The following KDM4B variants were observed in gnomAD, a reference collection of about 807,000 sequenced individuals.
KDM4B encodes lysine demethylase 4B, also known as lysine-specific demethylase 4B.
A neutral mutation model predicts 125.2 loss-of-function variants in KDM4B; 32 were observed. That is an observed-to-expected ratio of 0.26 (90% CI 0.19 to 0.34). The LOEUF (loss-of-function observed/expected upper bound fraction) is 0.34, where lower values mean the gene tolerates loss of function less well. Among genes scored for constraint, KDM4B ranks in the 10% least tolerant of loss-of-function variants. KDM4B has a pLI of 1.00. For missense variants in KDM4B, 1,190 were observed against 1,577.7 expected (o/e 0.75, Z 4.16); for synonymous variants, 721 against 677.9 (o/e 1.06, Z -0.99).
intron 6 of KDM4B, among the ~76,000 whole-genome samples, chr19:5,061,712 G>GA (rs1299812227): frequency 1.3e-5 from 2 of 151,842 alleles, no homozygotes; most frequent in East Asian, 3.9e-4. Flanking sequence ...AAAAAAAGAA[G>GA]AAAAAATCAG....
rs2039325685 is a variant in KDM4B at position 5,119,752 on chromosome 19, G to A, written c.1215G>A (p.Gly405=). 1.9e-6 allele frequency: 3 copies of A among 1,548,754 alleles called. No homozygotes were observed. The highest frequency in any genetic ancestry group is 1.7e-6 in the Non-Finnish European group (2 of 1,146,160). Residue 405 remains glycine (G), a synonymous_variant, in exon 11 of 23, where the codon GGG becomes GGA. Coordinates refer to ENST00000159111, the MANE Select transcript of KDM4B (RefSeq NM_015015.3). ...GGGCAGCGCTCCTAGAGGAGGCTGG[G>A]GGCAGCGTGAAGGAGGAGGCTGGGC... ...TAGAALLEEA[G]GSVKEEAGPE... is the part of the protein sequence containing the mutation.
rs1416787141 is a variant in KDM4B at position 5,141,483 on chromosome 19, A to G, written c.2551-2484A>G. 6.6e-6 allele frequency: 1 copy of G among 152,184 alleles called. No individual in the cohort carries two copies. Among genetic ancestry groups the G allele is most frequent in the Admixed American group, 6.5e-5 (1 of 15,280 alleles). The allele number at this position is 152,184 out of a possible 1,614,324, so 9.4% of individuals were successfully genotyped here. On this transcript the variant is annotated intron_variant, in intron 18 of 22. Coordinates refer to ENST00000159111, the MANE Select transcript of KDM4B (RefSeq NM_015015.3). The surrounding 1 kb of genome is among the most constrained non-coding windows in gnomAD (Gnocchi z 6.4). Reference sequence around the variant, plus strand: ...TCATTACCGGTGCTTGTAACGATGAATTAAAAATCCTTTTACACGAGGCCC... The same window carrying G: ...TCATTACCGGTGCTTGTAACGATGAGTTAAAAATCCTTTTACACGAGGCCC...
At chr19:5,131,665 G>GGGAGGCGGGGGCAGGTGGGGCAC (rs2039558842) in intron 12 of KDM4B, 120 bp downstream of exon 12, 4 of 634,730 alleles carry the variant, frequency 6.3e-6, no homozygotes, top group Middle Eastern at 4.4e-4. Context: ...GAGGGGACAG[G>GGGAGGCGGGGGCAGGTGGGGCAC]AGGGCTGACT....
Position 4,985,050 on chromosome 19 carries a change from C to T in KDM4B, c.-109+15820C>T, listed in dbSNP as rs570210621. ...AAAATTAGCAATGACAGGCTGGGCACGGTGGCTCCCGCCTGTAATCCTAGC... is the reference window on the plus strand; with the variant it reads ...AAAATTAGCAATGACAGGCTGGGCATGGTGGCTCCCGCCTGTAATCCTAGC... On this transcript the variant is annotated intron_variant, in intron 1 of 22. Transcript: ENST00000159111. Among the ~76,000 whole-genome samples, 15 of 152,210 alleles carry T rather than the reference C, an allele frequency of 9.9e-5. 1 individual carries two copies. Among genetic ancestry groups the T allele is most frequent in the Admixed American group, 3.3e-4 (5 of 15,300 alleles).
At chr19:5,084,637 T>C (rs895476093) in intron 9 of KDM4B, among the ~76,000 whole-genome samples, 10 of 145,354 alleles carry the variant, frequency 6.9e-5, no homozygotes, top group Non-Finnish European at 1.5e-4. Context: ...ATATAAATTA[T>C]ATATGTATGT....
In KDM4B at chr19:5,131,098, G is replaced by T; in HGVS notation, c.1338G>T (p.Arg446=). ...GAEEDGRGKL[R]PTKAKSERKK... ...CAGAGGACGGGAGGGGCAAGCTGCG[G>T]CCAACCAAGGCCAAGAGCGAGCGGA... The change falls in exon 12 of 23, where the codon CGG becomes CGT. Residue 446 remains arginine, a synonymous_variant. Coordinates refer to ENST00000159111, the MANE Select transcript of KDM4B (RefSeq NM_015015.3). 1 of 1,513,492 alleles carries T rather than the reference G, an allele frequency of 6.6e-7. No individual in the cohort carries two copies. The highest frequency in any genetic ancestry group is 1.8e-4 in the Middle Eastern group (1 of 5,558). The allele number at this position is 1,513,492 out of a possible 1,614,324, so 93.8% of individuals were successfully genotyped here.
At chr19:5,070,084 G>A (rs2037898602) in intron 6 of KDM4B, among the ~76,000 whole-genome samples, 1 of 152,158 alleles carries the variant, frequency 6.6e-6, no homozygotes, top group South Asian at 2.1e-4. Flanking sequence ...GGGAGCTGTT[G>A]GCCTTGTTAC....
intron 6 of KDM4B, among the ~76,000 whole-genome samples, chr19:5,061,558 AAAG>A (rs1217051597): frequency 6.6e-6 from 1 of 152,142 alleles, no homozygotes; most frequent in Non-Finnish European, 1.5e-5. Flanking sequence ...AGGCTCCATG[AAAG>A]AAGATTTTTC....
chr19:4,993,457 G>A (rs894569610), intron 1 of KDM4B, among the ~76,000 whole-genome samples: 2 of 151,170 alleles, frequency 1.3e-5, no homozygotes, highest in Non-Finnish European at 2.9e-5. Context: ...TCCAGCTATT[G>A]TTGAATTACT....
chr19:4,991,956 GTGT>G (rs976943300), intron 1 of KDM4B, among the ~76,000 whole-genome samples: 4 of 152,152 alleles, frequency 2.6e-5, no homozygotes, highest in Non-Finnish European at 5.9e-5. Context: ...CTCCATACGG[GTGT>G]TGTTTTCTCA....
intron 21 of KDM4B, among the ~76,000 whole-genome samples, chr19:5,147,671 A>T (rs1381251512): frequency 6.9e-6 from 1 of 144,390 alleles, no homozygotes; most frequent in Non-Finnish European, 1.5e-5. Flanking sequence ...TGAGCCTGGG[A>T]GGTTGAGGAT....
intron 2 of KDM4B, among the ~76,000 whole-genome samples, chr19:5,022,221 A>G (rs965958883): frequency 5.3e-5 from 8 of 151,992 alleles, no homozygotes; most frequent in African/African-American, 1.7e-4. Flanking sequence ...TGATAGTCCT[A>G]TGTTCCCTCT....
intron 9 of KDM4B, among the ~76,000 whole-genome samples, chr19:5,084,851 C>T (rs899667558): frequency 2.6e-5 from 4 of 150,996 alleles, no homozygotes; most frequent in African/African-American, 9.8e-5. Context: ...TCATTTTACC[C>T]ACCCTCCCCC....
Position 5,133,927 on chromosome 19 carries a change from G to A in KDM4B, c.1951G>A (p.Ala651Thr), listed in dbSNP as rs201802255. Residue 651 changes from alanine to threonine, a missense_variant, in exon 14 of 23, where the codon GCC becomes ACC. Around this residue, in one of 7 missense-constraint regions of KDM4B, gnomAD observed 128 missense variants for 137.8 expected, o/e 0.93. Coordinates refer to ENST00000159111, the MANE Select transcript of KDM4B (RefSeq NM_015015.3). Reference protein sequence around the residue: ...SGEEDVSDPDALRPLLSLQWK... With the variant: ...SGEEDVSDPDTLRPLLSLQWK... ...GGAGGAAGATGTGAGTGACCCGGAC[G>A]CCTTGAGGCCGCTGCTGTCTCTGCA... 197 of 1,612,978 alleles carry A rather than the reference G, an allele frequency of 1.2e-4. No homozygotes were observed. Among genetic ancestry groups the A allele is most frequent in the Non-Finnish European group, 1.4e-4 (167 of 1,179,942 alleles).
chr19:5,131,208 C>A lies in KDM4B; in HGVS notation c.1448C>A (p.Ser483Tyr). 1 of 1,605,226 alleles carries A rather than the reference C, an allele frequency of 6.2e-7. No homozygotes were observed. The highest frequency in any genetic ancestry group is 1.1e-5 in the South Asian group (1 of 90,102). ...TCAGAGGAGGCGCTGTGGCTGCCAT[C>A]CCCACTGGAGCCCCCGGTGCTGGGC... ...FPSEEALWLP[S>Y]PLEPPVLGPG... is the part of the protein sequence containing the mutation. Residue 483 changes from serine (S) to tyrosine (Y), a missense_variant, in exon 12 of 23, where the codon TCC (serine) becomes TAC (tyrosine). By Grantham distance (144) the Ser-to-Tyr change is moderately radical. Transcript: ENST00000159111.
intron 9 of KDM4B, among the ~76,000 whole-genome samples, chr19:5,083,641 T>C (rs146843859): frequency 5.3e-4 from 81 of 152,234 alleles, no homozygotes; most frequent in African/African-American, 1.6e-3. Flanking sequence ...CTGGGCAGCA[T>C]TGAACAGCCC....
intron 6 of KDM4B, among the ~76,000 whole-genome samples, chr19:5,064,704 C>T (rs1376511280): frequency 2.0e-5 from 3 of 152,192 alleles, no homozygotes; most frequent in Non-Finnish European, 4.4e-5. Flanking sequence ...GAGGTGAGGG[C>T]CACAGAGTCC....
In KDM4B at chr19:5,096,764, C is replaced by T. The variant is rs1307902668; in HGVS notation, c.919-13858C>T. Among the ~76,000 whole-genome samples, 5 of 145,116 alleles carry T rather than the reference C, an allele frequency of 3.4e-5. No individual in the cohort carries two copies. The South Asian group carries it at 6.8e-4, about 20-fold the overall frequency. Reference sequence around the variant, plus strand: ...GCGGTGCCCCCGGCGGTGTCGGTGGCGCGTGTTGCCGTGGCGCCTGCCTGG... The same window carrying T: ...GCGGTGCCCCCGGCGGTGTCGGTGGTGCGTGTTGCCGTGGCGCCTGCCTGG... On this transcript the variant is annotated intron_variant, in intron 9 of 22. Coordinates refer to ENST00000159111, the MANE Select transcript of KDM4B (RefSeq NM_015015.3).
intron 1 of KDM4B, among the ~76,000 whole-genome samples, chr19:5,011,098 C>T (rs1000577082): frequency 1.3e-5 from 2 of 152,116 alleles, no homozygotes; most frequent in Admixed American, 6.6e-5. Context: ...CCTTTCTGCC[C>T]GCTCCCATCC....
Sources: gnomAD v4.1 joint callset for allele counts (sites outside exome capture counted in the v4.1 genomes callset) on GRCh38, gnomAD v4.1.1 for gene constraint, gnomAD v4.1.1 regional missense constraint, Gnocchi (gnomAD v3.1) non-coding constraint, MANE v1.5 for transcripts, NCBI Gene and HGNC (gene_info 2026-07-23, HGNC 2026-07-21) for gene names.